ZNF610: variants seen among roughly 807,000 people sequenced by gnomAD.
ZNF610 encodes zinc finger protein 610.
ZNF610 carries 14 observed loss-of-function variants against 14.1 expected under a neutral mutation model. The ratio of observed to expected loss-of-function variants is 0.99; its 90% confidence interval spans 0.65 to 1.55. ZNF610 has a LOEUF of 1.55. Among genes scored for constraint, ZNF610 ranks in the 40% most tolerant of loss-of-function variants. The pLI is 0.00. For missense variants in ZNF610, 530 were observed against 558.0 expected (o/e 0.95, Z 0.51); for synonymous variants, 185 against 187.6 (o/e 0.99, Z 0.11).
chr19:52,350,399 C>T (rs1341588061), intron 3 of ZNF610, among the ~76,000 whole-genome samples: 6 of 152,088 alleles, frequency 3.9e-5, no homozygotes, highest in Admixed American at 6.5e-5. Context: ...CAGCATTGGC[C>T]GGGCGTGGTG....
chr19:52,348,337 A>G (rs1474088288), intron 2 of ZNF610: 1 of 152,194 alleles, frequency 6.6e-6, no homozygotes, highest in East Asian at 1.9e-4. Context: ...TATAAATGCT[A>G]TGTAGTTGTT....
At chr19:52,358,226 C>G (rs751241268) in intron 5 of ZNF610, among the ~76,000 whole-genome samples, 6 of 152,140 alleles carry the variant, frequency 3.9e-5, no homozygotes, top group Admixed American at 6.5e-5. Flanking sequence ...ACTCTGTCGC[C>G]GGGCTGGAGT....
intron 5 of ZNF610, among the ~76,000 whole-genome samples, chr19:52,360,011 G>C (rs549525925): frequency 6.6e-6 from 1 of 152,212 alleles, no homozygotes; most frequent in Non-Finnish European, 1.5e-5. Flanking sequence ...TATGGGGGAA[G>C]GGGTGTGGAG....
intron 1 of ZNF610, chr19:52,347,098 C>G (rs891060566): frequency 2.6e-5 from 4 of 152,176 alleles, no homozygotes; most frequent in Admixed American, 1.3e-4. Context: ...AGAAGAGCCT[C>G]GGGCAAGTTC....
chr19:52,364,310 A>G (rs1159280503), intron 5 of ZNF610, among the ~76,000 whole-genome samples: 3 of 152,152 alleles, frequency 2.0e-5, no homozygotes, highest in Admixed American at 1.3e-4. Context: ...TTTTTCTCAT[A>G]CAGTGTCACT....
In ZNF610 at chr19:52,353,635, C is replaced by T. The variant is rs542900699; in HGVS notation, c.64-47C>T. ...AAATGTTTATCAACTAAATTGAGTACAATTTCTACATTTTTAGTGTTGTAA... is the reference window on the plus strand; with the variant it reads ...AAATGTTTATCAACTAAATTGAGTATAATTTCTACATTTTTAGTGTTGTAA... On this transcript the variant is annotated intron_variant, in intron 3 of 5. Transcript: ENST00000403906. The T allele has an allele frequency of 3.1e-6, 5 of 1,601,018 alleles. No homozygotes were observed. The African/African-American group carries it at 4.0e-5, about 13-fold the overall frequency.
upstream of ZNF610, among the ~76,000 whole-genome samples, chr19:52,333,841 A>G (rs1400136105): frequency 6.6e-6 from 1 of 152,230 alleles, no homozygotes; most frequent in African/African-American, 2.4e-5. Flanking sequence ...TGCATGAATG[A>G]CTGTCTTAAC....
Position 52,336,796 on chromosome 19 carries a change from A to G in ZNF610, c.-258+290A>G, listed in dbSNP as rs1984405714. 2.0e-5 allele frequency among the ~76,000 whole-genome samples: 3 copies of G among 152,176 alleles called. No homozygotes were observed. The South Asian group carries it at 6.2e-4, about 32-fold the overall frequency. ...CTCCCCAGGCCTCCCCTTCGCAGCC[A>G]TCGCTACTCCCGACCCCCGGGTGTG... On this transcript the variant is annotated intron_variant, in intron 1 of 5. Transcript: ENST00000403906.
In ZNF610 at chr19:52,366,262, A is replaced by G; in HGVS notation, c.884A>G (p.Lys295Arg). The G allele has an allele frequency of 1.2e-6, 2 of 1,613,284 alleles. No individual in the cohort carries two copies. The highest frequency in any genetic ancestry group is 1.7e-6 in the Non-Finnish European group (2 of 1,179,390). Residue 295 changes from lysine to arginine, a missense_variant, in exon 6 of 6, where the codon AAA (lysine) becomes AGA (arginine). Physicochemically the swap from Lys to Arg is conservative, Grantham distance 26. Transcript: ENST00000403906. Reference sequence around the variant, plus strand: ...CCTCACAAATGTAACGAATGTGGCAAAGCTTTTAGAGAGTGTTCGGGACTT... The same window carrying G: ...CCTCACAAATGTAACGAATGTGGCAGAGCTTTTAGAGAGTGTTCGGGACTT... The part of the protein sequence containing the change: ...EKPHKCNECG[K>R]AFRECSGLTT...
At position 52,365,698 on chromosome 19, in the gene ZNF610, G is replaced by T. The variant is rs938452697; in HGVS notation, c.320G>T (p.Gly107Val). ...GRECVRSVNT[G>V]RSCVLGSNAE... Reference sequence around the variant, plus strand: ...TGTTCTACTCTTTCTTCTTTTCTAGGGAGGAGCTGTGTATTGGGAAGCAAT... The same window carrying T: ...TGTTCTACTCTTTCTTCTTTTCTAGTGAGGAGCTGTGTATTGGGAAGCAAT... Residue 107 changes from glycine (G) to valine (V), a missense_variant and splice_region_variant, in exon 6 of 6, where the codon GGG (glycine) becomes GTG (valine). Transcript: ENST00000403906. 12 of 1,595,442 alleles carry T rather than the reference G, an allele frequency of 7.5e-6. No individual in the cohort carries two copies. The highest frequency in any genetic ancestry group is 9.4e-6 in the Non-Finnish European group (11 of 1,173,224).
intron 5 of ZNF610, among the ~76,000 whole-genome samples, chr19:52,365,493 A>G (rs1278869534): frequency 1.3e-5 from 2 of 152,166 alleles, no homozygotes; most frequent in African/African-American, 4.8e-5. Flanking sequence ...AAAGTCACTC[A>G]TAATCCTCCC....
intron 1 of ZNF610, among the ~76,000 whole-genome samples, chr19:52,339,940 T>C (rs1428308203): frequency 2.0e-5 from 3 of 152,150 alleles, no homozygotes; most frequent in Non-Finnish European, 2.9e-5. Flanking sequence ...ATTACAGGCG[T>C]GAGCCACCGA....
At chr19:52,348,595 C>T (rs1179391977) in intron 2 of ZNF610, among the ~76,000 whole-genome samples, 1 of 152,116 alleles carries the variant, frequency 6.6e-6, no homozygotes, top group Non-Finnish European at 1.5e-5. Context: ...ACAGTATTCC[C>T]CAAGCACGTG....
chr19:52,332,113 G>A (rs1984229432), upstream of ZNF610, among the ~76,000 whole-genome samples: 1 of 152,250 alleles, frequency 6.6e-6, no homozygotes. This position sits in a 1 kb window ranked among gnomAD's most constrained non-coding sequence, Gnocchi z 4.1. Context: ...GTGCCCTAAA[G>A]AGGTACTGGG....
At chr19:52,334,965 ATTTACATCTATTTT>A (rs1489665762), upstream of ZNF610, among the ~76,000 whole-genome samples, 23 of 149,900 alleles carry the variant, frequency 1.5e-4, 1 homozygote, top group East Asian at 4.2e-3. Flanking sequence ...ACACAATGTA[ATTTACATCTATTTT>A]TTAAAGTTAT....
At chr19:52,332,973 G>C (rs1205298335), upstream of ZNF610, among the ~76,000 whole-genome samples, 2 of 152,120 alleles carry the variant, frequency 1.3e-5, no homozygotes, top group Non-Finnish European at 2.9e-5. This position sits in a 1 kb window ranked among gnomAD's most constrained non-coding sequence, Gnocchi z 4.1. Context: ...ACACACAGAA[G>C]AGCCTAAAAA....
chr19:52,366,062 A>G lies in ZNF610; in HGVS notation c.684A>G (p.Ala228=). 1 of 1,614,124 alleles carries G rather than the reference A, an allele frequency of 6.2e-7. No homozygotes were observed. The highest frequency in any genetic ancestry group is 8.5e-7 in the Non-Finnish European group (1 of 1,180,006). The change falls in exon 6 of 6, where the codon GCA becomes GCG. Residue 228 remains alanine (A), a synonymous_variant. Coordinates refer to ENST00000403906, the MANE Select transcript of ZNF610 (RefSeq NM_001161425.2). ...SLTNHQVIHT[A]EKPYKCTECG... is the part of the protein sequence containing the mutation. ...CTAACCATCAAGTAATCCATACTGC[A>G]GAGAAACCTTACAAATGTACTGAAT...
chr19:52,367,608 CA>C lies in ZNF610; in HGVS notation c.*843del, dbSNP rs34564684. 0.82 allele frequency: 124,548 copies of C among 152,088 alleles called. 51,263 individuals are homozygous for C. Among genetic ancestry groups the C allele is most frequent in the African/African-American group, 0.88 (36,673 of 41,488 alleles). 9.4% of individuals were successfully genotyped at this position (152,088 alleles called of 1,614,324 possible). ...ATAAAACAACATACGCTTCTGGGTG[CA>C]ATATACTTAAGTAAGTATGATGTTG... On this transcript the variant is annotated 3_prime_UTR_variant, in exon 6 of 6. Transcript: ENST00000403906.
intron 5 of ZNF610, among the ~76,000 whole-genome samples, chr19:52,354,726 G>A (rs1025263933): frequency 2.0e-5 from 3 of 151,544 alleles, no homozygotes; most frequent in Admixed American, 2.0e-4. Context: ...TTACAGGCAT[G>A]TGTCACCACA....
Sources: allele counts gnomAD v4.1 joint callset (sites outside exome capture counted in the v4.1 genomes callset), GRCh38; gene constraint gnomAD v4.1.1; non-coding constraint Gnocchi (gnomAD v3.1); transcripts MANE v1.5; gene names NCBI Gene and HGNC (gene_info 2026-07-23, HGNC 2026-07-21).